Variants in CNTNAP5 observed in about 807,000 individuals in gnomAD.
CNTNAP5 encodes contactin associated protein family member 5, also known as contactin-associated protein-like 5.
In CNTNAP5, 72 loss-of-function variants were observed where a neutral mutation model predicts 150.2. That is an observed-to-expected ratio of 0.48 (90% confidence interval 0.40 to 0.58). The LOEUF is 0.58. CNTNAP5 is among the 20% of genes least tolerant of loss of function. The pLI is 0.00. For missense variants in CNTNAP5, 1,636 were observed against 1,626.2 expected, an observed-to-expected ratio of 1.01 and a Z score of -0.10; for synonymous variants, 672 against 619.8, an observed-to-expected ratio of 1.08 and a Z score of -1.25.
At chr2:124,650,829 C>T (rs1349846102) in intron 13 of CNTNAP5, among the ~76,000 whole-genome samples, 3 of 152,176 alleles carry the variant, frequency 2.0e-5, no homozygotes, top group Admixed American at 6.5e-5. Flanking sequence ...AACAAATCTC[C>T]TATTTGGACC....
chr2:124,152,514 A>G (rs1684430272), intron 1 of CNTNAP5, among the ~76,000 whole-genome samples: 1 of 152,190 alleles, frequency 6.6e-6, no homozygotes, highest in African/African-American at 2.4e-5. Flanking sequence ...ACGCACCAGA[A>G]TGGAATCATT....
intron 1 of CNTNAP5, among the ~76,000 whole-genome samples, chr2:124,110,876 C>T (rs1683279725): frequency 6.6e-6 from 1 of 152,162 alleles, no homozygotes; most frequent in Admixed American, 6.5e-5. Context: ...CACAAAGGCC[C>T]TTGATAGAAA....
At chr2:124,387,333 T>C (rs34223834) in intron 3 of CNTNAP5, among the ~76,000 whole-genome samples, 2 of 152,196 alleles carry the variant, frequency 1.3e-5, no homozygotes, top group African/African-American at 2.4e-5. Flanking sequence ...CTGTTTTTTG[T>C]CTCTGAGCTT....
At chr2:124,086,290 G>A (rs1459438331) in intron 1 of CNTNAP5, among the ~76,000 whole-genome samples, 1 of 144,362 alleles carries the variant, frequency 6.9e-6, no homozygotes, top group African/African-American at 2.7e-5. Context: ...TCCGCCTCCC[G>A]GCTCCCGGGT....
At chr2:124,738,397 G>A (rs1680431129) in intron 13 of CNTNAP5, among the ~76,000 whole-genome samples, 1 of 152,102 alleles carries the variant, frequency 6.6e-6, no homozygotes, top group Non-Finnish European at 1.5e-5. Flanking sequence ...ATTTTTATCT[G>A]TAAGTCTCGT....
chr2:124,895,575 T>C (rs1678286796), intron 21 of CNTNAP5, among the ~76,000 whole-genome samples: 1 of 151,618 alleles, frequency 6.6e-6, no homozygotes. Context: ...CAGTGAACCA[T>C]GATCTTACCA....
At chr2:124,745,322 G>C (rs1467032777) in intron 13 of CNTNAP5, among the ~76,000 whole-genome samples, 1 of 152,156 alleles carries the variant, frequency 6.6e-6, no homozygotes, top group Non-Finnish European at 1.5e-5. Flanking sequence ...TCTAGAGTCT[G>C]AGAGTAGAGG....
chr2:124,361,503 CTGTT>C (rs1489632936), intron 3 of CNTNAP5, among the ~76,000 whole-genome samples: 2 of 146,310 alleles, frequency 1.4e-5, no homozygotes, highest in Non-Finnish European at 3.0e-5. Context: ...GATGTCCTTT[CTGTT>C]TGTTAGTTTT....
chr2:124,186,719 C>T (rs559682883), intron 1 of CNTNAP5, among the ~76,000 whole-genome samples: 30 of 152,222 alleles, frequency 2.0e-4, no homozygotes, highest in South Asian at 1.2e-3. Context: ...TACATATTTG[C>T]TATATTTCAC....
At chr2:124,346,519 GCTAT>G (rs1011131310) in intron 3 of CNTNAP5, among the ~76,000 whole-genome samples, 1 of 152,048 alleles carries the variant, frequency 6.6e-6, no homozygotes, top group Non-Finnish European at 1.5e-5. Flanking sequence ...TTTTAATAGT[GCTAT>G]CTAATTCATA....
chr2:124,810,612 G>C (rs749776078), intron 19 of CNTNAP5, among the ~76,000 whole-genome samples: 8 of 152,120 alleles, frequency 5.3e-5, no homozygotes, highest in Non-Finnish European at 1.2e-4. Flanking sequence ...AAGATTGCCT[G>C]TCACAACGTG....
At chr2:124,386,063 A>G (rs2104742957) in intron 3 of CNTNAP5, among the ~76,000 whole-genome samples, 1 of 152,280 alleles carries the variant, frequency 6.6e-6, no homozygotes, top group South Asian at 2.1e-4. Flanking sequence ...CAAGAGATGT[A>G]CAGTCAGTTA....
intron 13 of CNTNAP5, among the ~76,000 whole-genome samples, chr2:124,734,977 G>T (rs189161251): frequency 2.0e-5 from 3 of 152,136 alleles, no homozygotes; most frequent in African/African-American, 7.2e-5. Context: ...AGTAAATGAA[G>T]AATCTTGGGC....
intron 3 of CNTNAP5, among the ~76,000 whole-genome samples, chr2:124,368,497 A>G (rs1457990348): frequency 6.6e-6 from 1 of 152,148 alleles, no homozygotes; most frequent in Non-Finnish European, 1.5e-5. Flanking sequence ...TTAGAAATAT[A>G]CTTCACATGG....
intron 12 of CNTNAP5, among the ~76,000 whole-genome samples, chr2:124,629,951 A>AAAAAAAC (rs1422707257): frequency 0.014 from 2,074 of 148,784 alleles, 40 homozygotes; most frequent in Non-Finnish European, 0.023. Context: ...AAAAAAAAAA[A>AAAAAAAC]AAAACTGGAA....
chr2:124,476,015 AGAGTAT>A (rs1693631598), intron 7 of CNTNAP5, among the ~76,000 whole-genome samples: 1 of 152,040 alleles, frequency 6.6e-6, no homozygotes, highest in Non-Finnish European at 1.5e-5. Context: ...ATCTAGTGTT[AGAGTAT>A]ATCTGTGTAT....
chr2:124,414,313 T>C (rs2584356), intron 3 of CNTNAP5, among the ~76,000 whole-genome samples: 1 of 151,846 alleles, frequency 6.6e-6, no homozygotes, highest in Non-Finnish European at 1.5e-5. Flanking sequence ...ACTGGTGAAC[T>C]TGGGGAGGGG....
At chr2:124,356,543 T>C (rs1247321372) in intron 3 of CNTNAP5, among the ~76,000 whole-genome samples, 1 of 147,964 alleles carries the variant, frequency 6.8e-6, no homozygotes, top group East Asian at 2.0e-4. Flanking sequence ...CACCTATGAG[T>C]GAGAATATGC....
At chr2:124,913,156 C>T (rs1678689517) in intron 23 of CNTNAP5, among the ~76,000 whole-genome samples, 1 of 151,928 alleles carries the variant, frequency 6.6e-6, no homozygotes, top group Admixed American at 6.6e-5. Flanking sequence ...AGACACTTTT[C>T]CTCAATATCT....
Sources: allele counts gnomAD v4.1 joint callset (sites outside exome capture counted in the v4.1 genomes callset), GRCh38; gene constraint gnomAD v4.1.1; transcripts MANE v1.5; gene names NCBI Gene and HGNC (gene_info 2026-07-23, HGNC 2026-07-21).